The following ST6GALNAC3 variants were observed in gnomAD, a reference collection of about 807,000 sequenced individuals.
ST6GALNAC3 encodes ST6 N-acetylgalactosaminide alpha-2,6-sialyltransferase 3.
ST6GALNAC3 carries 25 observed loss-of-function variants against 32.7 expected under a neutral mutation model. The ratio of observed to expected loss-of-function variants is 0.76; its 90% CI spans 0.56 to 1.07. ST6GALNAC3 has a LOEUF of 1.07. Among genes scored for constraint, ST6GALNAC3 ranks in the 50% least tolerant of loss-of-function variants. The pLI is 0.00. For missense variants in ST6GALNAC3, 355 were observed against 382.4 expected (o/e 0.93, Z 0.60); for synonymous variants, 129 against 133.1 (o/e 0.97, Z 0.21).
intron 3 of ST6GALNAC3, among the ~76,000 whole-genome samples, chr1:76,468,400 T>C (rs1658793469): frequency 6.6e-6 from 1 of 152,064 alleles, no homozygotes; most frequent in Admixed American, 6.6e-5. Context: ...AAAGAATTCT[T>C]TAGGCTTGAC....
Position 76,313,624 on chromosome 1 carries a change from C to A in ST6GALNAC3, c.19-181C>A, listed in dbSNP as rs139371952. On this transcript the variant is annotated intron_variant, in intron 1 of 4. Transcript: ENST00000328299. ...GCAGCTCTGCTTGCTCTCAGCAGCC[C>A]AGCACACTAGGACAATTTGGTCACC... is the stretch of plus-strand genomic sequence containing the variant. 1,393 of 747,656 alleles carry A rather than the reference C, an allele frequency of 1.9e-3. 4 individuals carry two copies. The highest frequency in any genetic ancestry group is 7.9e-3 in the Middle Eastern group (34 of 4,304). 46.3% of individuals were successfully genotyped at this position (747,656 alleles called of 1,614,324 possible).
At chr1:76,625,091 C>G (rs1042578230) in intron 3 of ST6GALNAC3, among the ~76,000 whole-genome samples, 20 of 151,982 alleles carry the variant, frequency 1.3e-4, no homozygotes, top group African/African-American at 4.8e-4. Context: ...GTTCGAGTAG[C>G]AGCAGAGCTG....
chr1:76,412,012 T>C lies in ST6GALNAC3; in HGVS notation c.218T>C (p.Leu73Ser). 1 of 1,609,238 alleles carries C rather than the reference T, an allele frequency of 6.2e-7. No homozygotes were observed. The highest frequency in any genetic ancestry group is 8.5e-7 in the Non-Finnish European group (1 of 1,177,106). Residue 73 changes from leucine (L) to serine (S), a missense_variant, in exon 3 of 5, where the codon TTG (leucine) becomes TCG (serine). Physicochemically the swap from Leu to Ser is moderately radical, Grantham distance 145 (BLOSUM62 -2). Transcript: ENST00000328299. The stretch of plus-strand genomic sequence containing the variant: ...CCTTCTTTCTCTATTTTTCAGCCTT[T>C]GCAACTGGACTGTGACCTTTGTGCC... ...GYINVKTQEP[L>S]QLDCDLCAIV... is the part of the protein sequence containing the mutation.
chr1:76,325,415 C>T (rs1034078314), intron 2 of ST6GALNAC3, among the ~76,000 whole-genome samples: 9 of 152,094 alleles, frequency 5.9e-5, no homozygotes, highest in Non-Finnish European at 1.2e-4. Context: ...TCTATACTTA[C>T]ACACTATAAC....
At position 76,473,162 on chromosome 1, in the gene ST6GALNAC3, T is replaced by C. The variant is rs547416793; in HGVS notation, c.623+60745T>C. On this transcript the variant is annotated intron_variant, in intron 3 of 4. Transcript: ENST00000328299. ...CTAACAGCTTACTGTCTCTGTGAAA[T>C]AGAAACAAGCTCATCTGATGGGAGA... is the stretch of plus-strand genomic sequence containing the variant. Among the ~76,000 whole-genome samples, 4 of 152,126 alleles carry C rather than the reference T, an allele frequency of 2.6e-5. No homozygotes were observed. In the East Asian group the frequency reaches 7.8e-4, roughly 29 times the overall value.
chr1:76,311,423 C>T (rs1460852592), intron 1 of ST6GALNAC3, among the ~76,000 whole-genome samples: 1 of 152,148 alleles, frequency 6.6e-6, no homozygotes, highest in African/African-American at 2.4e-5. Flanking sequence ...AATGCTCTCC[C>T]TCTCCTAGCC....
intron 1 of ST6GALNAC3, among the ~76,000 whole-genome samples, chr1:76,225,629 C>A (rs1656023638): frequency 6.6e-6 from 1 of 152,104 alleles, no homozygotes; most frequent in Non-Finnish European, 1.5e-5. Flanking sequence ...ATTTAGAGAG[C>A]CTAGGTAATG....
chr1:76,259,517 C>T (rs1379871655), intron 1 of ST6GALNAC3, among the ~76,000 whole-genome samples: 4 of 152,192 alleles, frequency 2.6e-5, no homozygotes, highest in Admixed American at 2.6e-4. Flanking sequence ...ATCATCATCA[C>T]CACCTCCATC....
intron 2 of ST6GALNAC3, among the ~76,000 whole-genome samples, chr1:76,345,288 T>C (rs891186802): frequency 1.3e-5 from 2 of 151,890 alleles, no homozygotes; most frequent in African/African-American, 4.8e-5. Flanking sequence ...TTCCTTTTAC[T>C]CATAGAAAGC....
In ST6GALNAC3 at chr1:76,079,378, GA is replaced by G. The variant is rs764640756; in HGVS notation, c.18+4495del. ...AAAATCTATCCATATTTTCTTTTAT[GA>G]TTTCTACCCTTGGTCAGCAGGTACA... On this transcript the variant is annotated intron_variant, in intron 1 of 4. Coordinates refer to ENST00000328299, the MANE Select transcript of ST6GALNAC3 (RefSeq NM_152996.4). Among the ~76,000 whole-genome samples the G allele has an allele frequency of 3.9e-5, 6 of 152,072 alleles. No individual in the cohort carries two copies. In the South Asian group the frequency reaches 1.0e-3, roughly 26 times the overall value.
intron 2 of ST6GALNAC3, among the ~76,000 whole-genome samples, chr1:76,355,427 T>C (rs1046379651): frequency 2.0e-5 from 3 of 152,330 alleles, no homozygotes; most frequent in African/African-American, 7.2e-5. Context: ...GTGACTTCCC[T>C]TTGTGATAAA....
intron 3 of ST6GALNAC3, among the ~76,000 whole-genome samples, chr1:76,477,836 A>C (rs1659454125): frequency 6.6e-6 from 1 of 152,178 alleles, no homozygotes; most frequent in Admixed American, 6.5e-5. Flanking sequence ...TACTGAAGAC[A>C]CAGAAGTCTT....
At chr1:76,427,050 T>C (rs1655441861) in intron 3 of ST6GALNAC3, among the ~76,000 whole-genome samples, 1 of 152,068 alleles carries the variant, frequency 6.6e-6, no homozygotes, top group Non-Finnish European at 1.5e-5. Context: ...TTTTTGGAAT[T>C]TCATGCATAG....
intron 2 of ST6GALNAC3, among the ~76,000 whole-genome samples, chr1:76,354,436 G>T (rs1483692885): frequency 6.6e-6 from 1 of 152,154 alleles, no homozygotes; most frequent in African/African-American, 2.4e-5. Flanking sequence ...TCAGTACCTG[G>T]AACAGCTCCT....
intron 3 of ST6GALNAC3, among the ~76,000 whole-genome samples, chr1:76,619,382 G>A (rs11162183): frequency 0.29 from 44,407 of 152,014 alleles, 7,235 homozygotes; most frequent in Middle Eastern, 0.41. Flanking sequence ...TTGGTGGTAA[G>A]TGGAGATTAG....
rs976725851 is a variant in ST6GALNAC3, at chr1:76,617,629, A to G, written c.624-9823A>G. 2.6e-5 allele frequency among the ~76,000 whole-genome samples: 4 copies of G among 152,158 alleles called. No homozygotes were observed. The South Asian group carries it at 6.2e-4, about 24-fold the overall frequency. On this transcript the variant is annotated intron_variant, in intron 3 of 4. Coordinates refer to ENST00000328299, the MANE Select transcript of ST6GALNAC3 (RefSeq NM_152996.4). ...AAAACTAGGATGAGATCAAAGATGG[A>G]TTGTTAATAAGAGTCAAGGATTAGT...
At chr1:76,184,519 G>GCGCACACA (rs1335590722) in intron 1 of ST6GALNAC3, among the ~76,000 whole-genome samples, 4 of 134,176 alleles carry the variant, frequency 3.0e-5, no homozygotes, top group East Asian at 4.7e-4. Flanking sequence ...CTCCTGGGCA[G>GCGCACACA]CACACACACA....
At chr1:76,228,673 A>G (rs1041678692) in intron 1 of ST6GALNAC3, among the ~76,000 whole-genome samples, 23 of 152,272 alleles carry the variant, frequency 1.5e-4, no homozygotes, top group African/African-American at 5.5e-4. Flanking sequence ...TTCTCAGACA[A>G]CTCACTTGGT....
At chr1:76,318,939 A>G (rs555435093) in intron 2 of ST6GALNAC3, among the ~76,000 whole-genome samples, 1 of 152,238 alleles carries the variant, frequency 6.6e-6, no homozygotes, top group East Asian at 1.9e-4. Flanking sequence ...ACTTCAAGCT[A>G]GGTTCTATTT....
Sources: allele counts gnomAD v4.1 joint callset (sites outside exome capture counted in the v4.1 genomes callset), GRCh38; gene constraint gnomAD v4.1.1; transcripts MANE v1.5; gene names NCBI Gene and HGNC (gene_info 2026-07-23, HGNC 2026-07-21).